Variants in BCORL1 observed in about 807,000 individuals in gnomAD.
BCORL1 encodes BCL6 corepressor like 1, also known as BCL-6 corepressor-like protein 1.
BCORL1 carries 7 observed loss-of-function variants against 87.6 expected under a neutral mutation model. That is an observed-to-expected ratio of 0.08 (90% CI 0.05 to 0.15). The LOEUF is 0.15. Among genes scored for constraint, BCORL1 ranks in the 10% least tolerant of loss-of-function variants. The probability of loss-of-function intolerance (pLI) is 1.00; values close to 1 mark genes in which losing one functional copy is unlikely to be tolerated. For synonymous variants in BCORL1, 591 were observed against 634.4 expected, an observed-to-expected ratio of 0.93 and a Z score of 1.03; for missense variants, 1,215 against 1,499.7, an observed-to-expected ratio of 0.81 and a Z score of 3.13.
intron 1 of BCORL1, among the ~76,000 whole-genome samples, chrX:129,999,680 T>C (rs5975162): frequency 0.035 from 3,072 of 88,459 alleles, 120 homozygotes; most frequent in African/African-American, 0.2. Context: ...CCTCTAATTC[T>C]TTTTCCCCCC....
intron 1 of BCORL1, among the ~76,000 whole-genome samples, chrX:129,998,027 C>T (rs192296207): frequency 1.3e-4 from 14 of 105,399 alleles, no homozygotes; most frequent in African/African-American, 4.5e-4. Context: ...TTCCCAGCCA[C>T]ACTTATGGCT....
At chrX:130,011,002 TAAAAAAAAAAAAAAAAAA>T (rs1186630415) in intron 2 of BCORL1, among the ~76,000 whole-genome samples, 7 of 19,095 alleles carry the variant, frequency 3.7e-4, no homozygotes, top group South Asian at 0.013. Flanking sequence ...AGATTCAATC[TAAAAAAAAAAAAAAAAAA>T]AAAAAAAAAA....
rs760650197 is a variant in BCORL1, at chrX:130,014,276, T to C, written c.1504T>C (p.Tyr502His). Residue 502 changes from tyrosine (Y) to histidine (H), a missense_variant, in exon 4 of 14, where the codon TAC (tyrosine) becomes CAC (histidine). Tyr to His is a moderately conservative substitution (Grantham distance 83). Around this residue, in one of 5 missense-constraint regions of BCORL1, gnomAD observed 861 missense variants for 1,010.0 expected, o/e 0.85. Transcript: ENST00000540052. Reference protein sequence around the residue: ...GVLASPELRSYPYAFSVARPL... With the variant: ...GVLASPELRSHPYAFSVARPL... ...GCTAGCCTCCCCCGAGCTCCGTTCTTACCCGTATGCATTTTCTGTGGCCCG... is the reference window on the plus strand; with the variant it reads ...GCTAGCCTCCCCCGAGCTCCGTTCTCACCCGTATGCATTTTCTGTGGCCCG... 2 of 1,211,176 alleles carry C rather than the reference T, an allele frequency of 1.7e-6. No individual in the cohort carries two copies. Among genetic ancestry groups the C allele is most frequent in the Admixed American group, 4.3e-5 (2 of 45,983 alleles).
intron 8 of BCORL1, among the ~76,000 whole-genome samples, 164 bp from the exon 9 acceptor site, chrX:130,034,291 C>G (rs377113039): frequency 3.6e-5 from 4 of 112,168 alleles, no homozygotes; most frequent in African/African-American, 9.7e-5. Flanking sequence ...AGCGTCTGGC[C>G]TCAAACCTGA....
Position 130,014,240 on chromosome X carries a change from C to T in BCORL1, c.1468C>T (p.Leu490Phe), listed in dbSNP as rs1431547514. Residue 490 changes from leucine to phenylalanine, a missense_variant, in exon 4 of 14, where the codon CTC becomes TTC. Transcript: ENST00000540052. ...VLPSYLQDRC[L>F]PGVLASPELR... is the part of the protein sequence containing the mutation. ...GCCGTCCTACCTGCAGGACAGGTGTCTCCCAGGCGTGCTAGCCTCCCCCGA... is the reference window on the plus strand; with the variant it reads ...GCCGTCCTACCTGCAGGACAGGTGTTTCCCAGGCGTGCTAGCCTCCCCCGA... 1 of 1,211,246 alleles carries T rather than the reference C, an allele frequency of 8.3e-7. No individual in the cohort carries two copies. The highest frequency in any genetic ancestry group is 3.0e-5 in the East Asian group (1 of 33,822).
At chrX:129,997,474 A>G (rs900827284) in intron 1 of BCORL1, among the ~76,000 whole-genome samples, 1 of 111,158 alleles carries the variant, frequency 9.0e-6, no homozygotes, top group Non-Finnish European at 1.9e-5. Flanking sequence ...GCTCGCCCTC[A>G]GCTTAGCTGC....
chrX:130,020,094 G>T (rs1569373205), intron 4 of BCORL1, among the ~76,000 whole-genome samples: 1 of 112,199 alleles, frequency 8.9e-6, no homozygotes, highest in Non-Finnish European at 1.9e-5. Flanking sequence ...GGCCCGGGCT[G>T]GGGGCCAGGA....
Position 130,014,338 on chromosome X carries a change from G to A in BCORL1, c.1566G>A (p.Glu522=), listed in dbSNP as rs1301315389. Residue 522 remains glutamate (E), a synonymous_variant, in exon 4 of 14, where the codon GAG becomes GAA. Coordinates refer to ENST00000540052, the MANE Select transcript of BCORL1 (RefSeq NM_001379451.1). ...LTSDSKLVSL[E]VNRLPCTSPS... is the part of the protein sequence containing the mutation. ...CGGATTCCAAGCTGGTATCTCTGGA[G>A]GTGAACAGGCTCCCCTGCACTTCCC... 3.3e-6 allele frequency: 4 copies of A among 1,211,570 alleles called. No individual in the cohort carries two copies. Among genetic ancestry groups the A allele is most frequent in the Non-Finnish European group, 4.5e-6 (4 of 895,438 alleles).
At chrX:130,054,795 C>T (rs1195706015) in intron 13 of BCORL1, among the ~76,000 whole-genome samples, 1 of 110,959 alleles carries the variant, frequency 9.0e-6, no homozygotes, top group African/African-American at 3.3e-5. Context: ...CCTGTAATCC[C>T]AGCTACTCAG....
chrX:130,025,061 G>A lies in BCORL1; in HGVS notation c.3760G>A (p.Glu1254Lys), dbSNP rs1285133756. 4 of 1,210,339 alleles carry A rather than the reference G, an allele frequency of 3.3e-6. No individual in the cohort carries two copies. Among genetic ancestry groups the A allele is most frequent in the Non-Finnish European group, 4.5e-6 (4 of 895,300 alleles). Residue 1254 changes from glutamate to lysine, a missense_variant, in exon 7 of 14, where the codon GAA becomes AAA. By Grantham distance (56) the Glu-to-Lys change is moderately conservative. This residue lies in a region of BCORL1 where 166 missense variants were observed against 196.5 expected (regional missense o/e 0.84). Transcript: ENST00000540052. Reference protein sequence around the residue: ...MGSQEVFPTEEEEEVTPTPAK... With the variant: ...MGSQEVFPTEKEEEVTPTPAK... The stretch of plus-strand genomic sequence containing the variant: ...AAGCCAGGAAGTCTTCCCCACAGAA[G>A]AAGAAGAGGAGGTAACCCCCACCCC...
chrX:129,997,296 A>G (rs890240497), intron 1 of BCORL1, among the ~76,000 whole-genome samples: 16 of 111,086 alleles, frequency 1.4e-4, no homozygotes, highest in African/African-American at 4.9e-4. Flanking sequence ...AGTTTGGCCC[A>G]TGATGGTGAA....
At chrX:129,983,983 C>T (rs1299438125) in intron 1 of BCORL1, among the ~76,000 whole-genome samples, 3 of 108,719 alleles carry the variant, frequency 2.8e-5, no homozygotes, top group Admixed American at 9.6e-5. Flanking sequence ...GGCTCCCCCA[C>T]CCCGGGTCCT....
In BCORL1 at chrX:130,028,876, AG is replaced by A. The variant is rs1284815424; in HGVS notation, c.4305+19del. ...AAGAGGCAAAGGTGTGTAGCTATCA[AG>A]GGGTATTGTAGAAGGTGTGTGTGGC... On this transcript the variant is annotated intron_variant, in intron 8 of 13. Transcript: ENST00000540052. The A allele has an allele frequency of 2.2e-6, 2 of 926,836 alleles. No homozygotes were observed. Among genetic ancestry groups the A allele is most frequent in the African/African-American group, 5.2e-5 (2 of 38,241 alleles). The allele number at this position is 926,836 out of a possible 1,213,427, so 76.4% of individuals were successfully genotyped here. A position where few individuals can be genotyped will look rare whatever the true frequency, so the allele number is the denominator to read the frequency against.
At chrX:130,033,173 C>A (rs1312138513) in intron 8 of BCORL1, among the ~76,000 whole-genome samples, 1 of 109,432 alleles carries the variant, frequency 9.1e-6, no homozygotes, top group African/African-American at 3.3e-5. Context: ...CCTCCCCCTC[C>A]CGGGCTCAAG....
At chrX:130,012,835 C>T (rs1271621534) in intron 3 of BCORL1, 115 bp from the exon 4 acceptor site, 12 of 1,099,854 alleles carry the variant, frequency 1.1e-5, no homozygotes, top group Admixed American at 5.4e-5. Context: ...CTGCGTCTTC[C>T]GAGACCTGGT....
chrX:130,024,765 G>C (rs187691216), intron 6 of BCORL1, among the ~76,000 whole-genome samples: 24 of 111,476 alleles, frequency 2.2e-4, no homozygotes, highest in Admixed American at 5.7e-4. Context: ...AATCTTATTT[G>C]AGCCTCAAAA....
chrX:130,012,376 G>A (rs1929042061), intron 2 of BCORL1, among the ~76,000 whole-genome samples: 1 of 111,374 alleles, frequency 9.0e-6, no homozygotes, highest in Admixed American at 9.5e-5. Context: ...GCTCTGGTAG[G>A]GACTTGCAAA....
intron 8 of BCORL1, among the ~76,000 whole-genome samples, chrX:130,030,119 T>C (rs1930494156): frequency 8.9e-6 from 1 of 112,116 alleles, no homozygotes; most frequent in African/African-American, 3.2e-5. Flanking sequence ...GAGCTGCTGC[T>C]TCATGCCCTT....
At chrX:130,025,406 C>T (rs1437803714) in intron 7 of BCORL1, 27 bp downstream of exon 7, 5 of 1,119,849 alleles carry the variant, frequency 4.5e-6, no homozygotes, top group African/African-American at 1.9e-5. Context: ...GCTCTGCTGT[C>T]GCCGCGGCCC....
Sources: gnomAD v4.1 joint callset for allele counts (sites outside exome capture counted in the v4.1 genomes callset) on GRCh38, gnomAD v4.1.1 for gene constraint, gnomAD v4.1.1 regional missense constraint, MANE v1.5 for transcripts, NCBI Gene and HGNC (gene_info 2026-07-23, HGNC 2026-07-21) for gene names.